Variants in EDN1 observed in about 807,000 individuals in gnomAD.
EDN1 encodes endothelin 1.
EDN1 carries 11 observed loss-of-function variants against 21.7 expected under a neutral mutation model. That is an observed-to-expected ratio of 0.51 (90% CI 0.32 to 0.84). The LOEUF is 0.84. Among genes scored for constraint, EDN1 ranks in the 40% least tolerant of loss-of-function variants. The pLI, the probability that EDN1 is intolerant of heterozygous loss-of-function variation, is 0.03. For synonymous variants in EDN1, 85 were observed against 90.6 expected (o/e 0.94, Z 0.35); for missense variants, 244 against 262.3 (o/e 0.93, Z 0.48).
chr6:12,243,574 A>G, the EDN1 span, among the ~76,000 whole-genome samples: 1 of 152,198 alleles, frequency 6.6e-6, no homozygotes, highest in Non-Finnish European at 1.5e-5. Context: ...CAATGTCTAT[A>G]CTGGTGCCTG....
At chr6:12,258,551 A>G in the EDN1 span, among the ~76,000 whole-genome samples, 3 of 152,010 alleles carry the variant, frequency 2.0e-5, no homozygotes, top group Non-Finnish European at 4.4e-5. Context: ...TTAAATGTGA[A>G]ATATACTAGA....
chr6:12,274,939 C>CTCCTTCCTTCCTTCCT, the EDN1 span, among the ~76,000 whole-genome samples: 47 of 135,452 alleles, frequency 3.5e-4, no homozygotes, highest in African/African-American at 1.2e-3. Context: ...TTTCTTCCTT[C>CTCCTTCCTTCCTTCCT]TCCTTCCTTC....
At position 12,296,270 on chromosome 6, in the gene EDN1, A is replaced by G. The variant is rs569538574; in HGVS notation, c.*203A>G. 39 of 562,096 alleles carry G rather than the reference A, an allele frequency of 6.9e-5. No homozygotes were observed. In the African/African-American group the frequency reaches 7.3e-4, roughly 11 times the overall value. 34.8% of individuals were successfully genotyped at this position (562,096 alleles called of 1,614,324 possible). A position where few individuals can be genotyped will look rare whatever the true frequency, so the allele number is the denominator to read the frequency against. On this transcript the variant is annotated 3_prime_UTR_variant, in exon 5 of 5. Coordinates refer to ENST00000379375, the MANE Select transcript of EDN1 (RefSeq NM_001955.5). ...TCTTCACTGGCTTCCATCAGTGGTA[A>G]CTGCTTTGGTCTCTTCTTTCATCTG...
the EDN1 span, among the ~76,000 whole-genome samples, chr6:12,259,203 A>G: frequency 0.013 from 1,938 of 152,066 alleles, 124 homozygotes; most frequent in East Asian, 0.2. Flanking sequence ...TGAAATAGAA[A>G]TGAAGTATAA....
Position 12,296,123 on chromosome 6 carries a change from C to A in EDN1, c.*56C>A. 6.9e-7 allele frequency: 1 copy of A among 1,455,536 alleles called. No homozygotes were observed. Among genetic ancestry groups the A allele is most frequent in the Non-Finnish European group, 9.6e-7 (1 of 1,036,324 alleles). 90.2% of individuals were successfully genotyped at this position (1,455,536 alleles called of 1,614,324 possible). A position where few individuals can be genotyped will look rare whatever the true frequency, so the allele number is the denominator to read the frequency against. On this transcript the variant is annotated 3_prime_UTR_variant, in exon 5 of 5. Coordinates refer to ENST00000379375, the MANE Select transcript of EDN1 (RefSeq NM_001955.5). ...CCTCCACGGAGAGCCCTGTGGCCGA[C>A]TCTGCACTCTCCACCCTGGCTGGGA...
the EDN1 span, among the ~76,000 whole-genome samples, chr6:12,253,864 A>C: frequency 6.6e-6 from 1 of 151,978 alleles, no homozygotes; most frequent in African/African-American, 2.4e-5. Flanking sequence ...GCGCACACCC[A>C]ATCTACCGCC....
the EDN1 span, among the ~76,000 whole-genome samples, chr6:12,262,440 A>C: frequency 2.9e-3 from 445 of 151,636 alleles, 4 homozygotes; most frequent in East Asian, 0.016. Context: ...CTTCCCAGAG[A>C]GTAGATCTCA....
the EDN1 span, among the ~76,000 whole-genome samples, chr6:12,273,074 C>T: frequency 6.6e-6 from 1 of 152,214 alleles, no homozygotes; most frequent in African/African-American, 2.4e-5. Context: ...GACGACTCTA[C>T]AGACTTGCAG....
the EDN1 span, among the ~76,000 whole-genome samples, chr6:12,243,664 T>C: frequency 6.6e-6 from 1 of 152,202 alleles, no homozygotes; most frequent in African/African-American, 2.4e-5. Flanking sequence ...GAATTTCCTT[T>C]TCTGATGGTT....
At chr6:12,233,483 C>A in the EDN1 span, among the ~76,000 whole-genome samples, 1 of 152,176 alleles carries the variant, frequency 6.6e-6, no homozygotes, top group Non-Finnish European at 1.5e-5. Context: ...TGCACCAGGA[C>A]CAAAGCTCTG....
At chr6:12,283,551 G>C in the EDN1 span, among the ~76,000 whole-genome samples, 1 of 152,172 alleles carries the variant, frequency 6.6e-6, no homozygotes, top group Non-Finnish European at 1.5e-5. Context: ...CACCATGAAT[G>C]GTCAAAATCA....
the EDN1 span, among the ~76,000 whole-genome samples, chr6:12,255,147 ATAAC>A: frequency 6.6e-6 from 1 of 152,224 alleles, no homozygotes; most frequent in Non-Finnish European, 1.5e-5. Flanking sequence ...AGCCAAATAA[ATAAC>A]AAACACAAAA....
chr6:12,238,624 C>G, the EDN1 span, among the ~76,000 whole-genome samples: 2 of 152,234 alleles, frequency 1.3e-5, no homozygotes, highest in Non-Finnish European at 2.9e-5. Flanking sequence ...ACGGCTGATG[C>G]AGCTGTGGTT....
In EDN1 at chr6:12,296,141, G is replaced by A; in HGVS notation, c.*74G>A. 7.4e-7 allele frequency: 1 copy of A among 1,354,092 alleles called. No homozygotes were observed. The highest frequency in any genetic ancestry group is 1.1e-6 in the Non-Finnish European group (1 of 944,952). The allele number at this position is 1,354,092 out of a possible 1,614,324, so 83.9% of individuals were successfully genotyped here. A position where few individuals can be genotyped will look rare whatever the true frequency, so the allele number is the denominator to read the frequency against. Reference sequence around the variant, plus strand: ...TGGCCGACTCTGCACTCTCCACCCTGGCTGGGATCAGAGCAGGAGCATCCT... The same window carrying A: ...TGGCCGACTCTGCACTCTCCACCCTAGCTGGGATCAGAGCAGGAGCATCCT... On this transcript the variant is annotated 3_prime_UTR_variant, in exon 5 of 5. Transcript: ENST00000379375.
the EDN1 span, among the ~76,000 whole-genome samples, chr6:12,282,789 G>A: frequency 6.6e-6 from 1 of 152,066 alleles, no homozygotes; most frequent in African/African-American, 2.4e-5. Flanking sequence ...TTGGAGTTCT[G>A]GCTAAATTAA....
At chr6:12,267,600 G>A in the EDN1 span, among the ~76,000 whole-genome samples, 2 of 152,186 alleles carry the variant, frequency 1.3e-5, no homozygotes, top group Non-Finnish European at 2.9e-5. Context: ...TGGTTCATGA[G>A]GTTTAAGGAA....
chr6:12,237,761 A>G, the EDN1 span, among the ~76,000 whole-genome samples: 47,898 of 152,140 alleles, frequency 0.31, 8,974 homozygotes, highest in South Asian at 0.48. Flanking sequence ...TTCTTGGTGC[A>G]GAGAATTGTC....
the EDN1 span, among the ~76,000 whole-genome samples, chr6:12,270,973 A>G: frequency 6.6e-6 from 1 of 152,068 alleles, no homozygotes; most frequent in Admixed American, 6.5e-5. Flanking sequence ...TTTCACATAT[A>G]TTTACAATTG....
Position 12,294,075 on chromosome 6 carries a change from G to A in EDN1, c.368G>A (p.Cys123Tyr). 6.2e-7 allele frequency: 1 copy of A among 1,614,152 alleles called. No homozygotes were observed. The highest frequency in any genetic ancestry group is 8.5e-7 in the Non-Finnish European group (1 of 1,180,032). Residue 123 changes from cysteine to tyrosine, a missense_variant, in exon 3 of 5, where the codon TGC becomes TAC. Physicochemically the swap from Cys to Tyr is radical, Grantham distance 194 (BLOSUM62 -2). Coordinates refer to ENST00000379375, the MANE Select transcript of EDN1 (RefSeq NM_001955.5). The stretch of plus-strand genomic sequence containing the variant: ...AAAGACAAGAAGTGCTGGAATTTTT[G>A]CCAAGCAGGAAAAGAACTCAGGTGA... ...SQKDKKCWNF[C>Y]QAGKELRAED...
Sources: gnomAD v4.1 joint callset for allele counts (sites outside exome capture counted in the v4.1 genomes callset) on GRCh38, gnomAD v4.1.1 for gene constraint, MANE v1.5 for transcripts, NCBI Gene and HGNC (gene_info 2026-07-23, HGNC 2026-07-21) for gene names.